Variants in MAGI3 observed in about 807,000 individuals in gnomAD.
MAGI3 encodes the protein membrane-associated guanylate kinase, WW and PDZ domain-containing protein 3.
In MAGI3, 43 loss-of-function variants were observed where a neutral mutation model predicts 121.8. The ratio of observed to expected loss-of-function variants is 0.35; its 90% CI spans 0.28 to 0.46. The LOEUF (loss-of-function observed/expected upper bound fraction) is 0.46. MAGI3 is among the 20% of genes least tolerant of loss of function. The probability of loss-of-function intolerance (pLI) is 1.00; values close to 1 mark genes in which losing one functional copy is unlikely to be tolerated. For synonymous variants in MAGI3, 553 were observed against 639.3 expected, an observed-to-expected ratio of 0.86 and a Z score of 2.04; for missense variants, 1,547 against 1,797.3, an observed-to-expected ratio of 0.86 and a Z score of 2.52.
intron 16 of MAGI3, among the ~76,000 whole-genome samples, chr1:113,670,281 C>T (rs1457858374): frequency 6.6e-6 from 1 of 152,180 alleles, no homozygotes; most frequent in African/African-American, 2.4e-5. Context: ...TTAGAGTACT[C>T]TCTAGCTTCT....
intron 1 of MAGI3, among the ~76,000 whole-genome samples, chr1:113,428,421 C>G (rs141863072): frequency 1.3e-5 from 2 of 152,204 alleles, no homozygotes; most frequent in African/African-American, 4.8e-5. Flanking sequence ...GCAGTATTGC[C>G]TTTCTTATAA....
intron 2 of MAGI3, among the ~76,000 whole-genome samples, chr1:113,570,560 C>A (rs987717313): frequency 3.3e-5 from 5 of 152,138 alleles, no homozygotes; most frequent in African/African-American, 1.2e-4. Context: ...TCTGTCATTT[C>A]CTGACTTTTT....
Position 113,552,577 on chromosome 1 carries a change from C to CT in MAGI3, c.433+2954dup, listed in dbSNP as rs1659828816. On this transcript the variant is annotated intron_variant, in intron 2 of 20. Coordinates refer to ENST00000307546, the MANE Select transcript of MAGI3 (RefSeq NM_001142782.2). ...TGTACTTGTACTTTCTAAGATAGGT[C>CT]TTTTTTTTATACTGCCCTCTGCCAC... 3.9e-5 allele frequency among the ~76,000 whole-genome samples: 6 copies of CT among 152,112 alleles called. No individual in the cohort carries two copies. The South Asian group carries it at 1.2e-3, about 32-fold the overall frequency.
intron 1 of MAGI3, among the ~76,000 whole-genome samples, chr1:113,466,864 A>T (rs540683188): frequency 2.6e-5 from 4 of 151,494 alleles, no homozygotes; most frequent in African/African-American, 9.7e-5. Flanking sequence ...AAGATTTGTC[A>T]ATTTTGTTTA....
chr1:113,427,100 AATG>A (rs1301082553), intron 1 of MAGI3, among the ~76,000 whole-genome samples: 1 of 152,088 alleles, frequency 6.6e-6, no homozygotes, highest in Non-Finnish European at 1.5e-5. Context: ...CTGTGATTTC[AATG>A]ATGTTTAAGT....
chr1:113,595,903 C>T (rs576710092), intron 6 of MAGI3, among the ~76,000 whole-genome samples: 9 of 152,080 alleles, frequency 5.9e-5, no homozygotes, highest in African/African-American at 1.7e-4. Flanking sequence ...TGGTAGCATG[C>T]GCCTGTAGAC....
intron 7 of MAGI3, among the ~76,000 whole-genome samples, chr1:113,618,877 G>T (rs1340062068): frequency 6.6e-6 from 1 of 152,222 alleles, no homozygotes; most frequent in Non-Finnish European, 1.5e-5. Context: ...GTTAGAATAT[G>T]ATTTCCATTG....
intron 1 of MAGI3, among the ~76,000 whole-genome samples, chr1:113,447,004 T>C (rs1654208927): frequency 6.6e-6 from 1 of 152,206 alleles, no homozygotes; most frequent in Non-Finnish European, 1.5e-5. Flanking sequence ...CAGTGGAGGA[T>C]AGAATGCGGA....
chr1:113,682,482 C>G (rs1214318354), intron 20 of MAGI3: 32 of 1,332,834 alleles, frequency 2.4e-5, no homozygotes, highest in Non-Finnish European at 3.0e-5. Context: ...CTGGTTACCA[C>G]AGTTTGGTTT....
chr1:113,572,223 G>A (rs1259289512), intron 2 of MAGI3, among the ~76,000 whole-genome samples: 4 of 152,274 alleles, frequency 2.6e-5, no homozygotes, highest in Middle Eastern at 3.4e-3. Flanking sequence ...TTGAACCAGC[G>A]TTGCATCCCA....
At chr1:113,441,022 A>G (rs995734265) in intron 1 of MAGI3, among the ~76,000 whole-genome samples, 9 of 152,122 alleles carry the variant, frequency 5.9e-5, no homozygotes, top group Non-Finnish European at 1.2e-4. Flanking sequence ...AACAAAACCA[A>G]GTGGACAACC....
intron 19 of MAGI3, among the ~76,000 whole-genome samples, chr1:113,680,135 A>G (rs1371533148): frequency 6.6e-6 from 1 of 152,258 alleles, no homozygotes; most frequent in African/African-American, 2.4e-5. Context: ...CATTTATTCA[A>G]ATACCTCATG....
At position 113,683,657 on chromosome 1, in the gene MAGI3, G is replaced by A. The variant is rs1648361800; in HGVS notation, c.4089G>A (p.Glu1363=). The A allele has an allele frequency of 1.2e-6, 2 of 1,610,558 alleles. No homozygotes were observed. The highest frequency in any genetic ancestry group is 2.7e-5 in the African/African-American group (2 of 74,860). ...SPEKKIKRMV[E]KSLPSKMTNK... ...AGAAAAAAATCAAAAGAATGGTTGA[G>A]AAATCTCTTCCATCCAAAATGACTA... Residue 1363 remains glutamate, a synonymous_variant, in exon 21 of 21, where the codon GAG becomes GAA. Coordinates refer to ENST00000307546, the MANE Select transcript of MAGI3 (RefSeq NM_001142782.2).
chr1:113,594,718 A>G (rs2101741847), intron 6 of MAGI3, among the ~76,000 whole-genome samples, 158 bp downstream of exon 6: 1 of 152,356 alleles, frequency 6.6e-6, no homozygotes, highest in East Asian at 1.9e-4. Context: ...TGTGGTAATT[A>G]TGTCATTACA....
rs1366936625 is a variant in MAGI3, at chr1:113,594,525, A to G, written c.983A>G (p.Lys328Arg). The G allele has an allele frequency of 6.2e-7, 1 of 1,613,674 alleles. No homozygotes were observed. The highest frequency in any genetic ancestry group is 8.5e-7 in the Non-Finnish European group (1 of 1,179,752). Residue 328 changes from lysine to arginine, a missense_variant, in exon 6 of 21, where the codon AAG becomes AGG. Physicochemically the swap from Lys to Arg is conservative, Grantham distance 26 (BLOSUM62 2). Coordinates refer to ENST00000307546, the MANE Select transcript of MAGI3 (RefSeq NM_001142782.2). ...TTTWLDPRLC[K>R]KAKAPEDCED... ...ACCTGGTTGGATCCTCGTCTTTGTA[A>G]GAAAGCCAAAGCCCCTGAAGACTGT...
At chr1:113,652,240 A>G (rs1653211510) in intron 14 of MAGI3, among the ~76,000 whole-genome samples, 1 of 152,190 alleles carries the variant, frequency 6.6e-6, no homozygotes. Flanking sequence ...TTAAAAAAAT[A>G]CAACTCTGTA....
chr1:113,437,847 T>C lies in MAGI3; in HGVS notation c.316+46498T>C, dbSNP rs143880190. On this transcript the variant is annotated intron_variant, in intron 1 of 20. Transcript: ENST00000307546. ...TTCTTCTTCTTCTTCTTCTTCTTCT[T>C]CTTCTTCTTCTTCTTCCTCTTCTTC... is the stretch of plus-strand genomic sequence containing the variant. Among the ~76,000 whole-genome samples, 599 of 62,186 alleles carry C rather than the reference T, an allele frequency of 9.6e-3. 11 individuals carry two copies. The highest frequency in any genetic ancestry group is 0.018 in the African/African-American group (253 of 13,738). 40.8% of individuals were successfully genotyped at this position (62,186 alleles called of 152,430 possible).
intron 1 of MAGI3, among the ~76,000 whole-genome samples, chr1:113,400,484 A>T (rs898518099): frequency 6.6e-6 from 1 of 152,166 alleles, no homozygotes; most frequent in Non-Finnish European, 1.5e-5. Flanking sequence ...GCCAGTAAGA[A>T]TCATCATAGC....
intron 1 of MAGI3, among the ~76,000 whole-genome samples, chr1:113,416,662 G>A (rs1652468786): frequency 6.7e-6 from 1 of 150,240 alleles, no homozygotes; most frequent in Non-Finnish European, 1.5e-5. Context: ...CAAATCTTGA[G>A]ATACAGATAA....
Sources: allele counts gnomAD v4.1 joint callset (sites outside exome capture counted in the v4.1 genomes callset), GRCh38; gene constraint gnomAD v4.1.1; transcripts MANE v1.5; gene names NCBI Gene and HGNC (gene_info 2026-07-23, HGNC 2026-07-21).